BTLA: variants seen among roughly 807,000 people sequenced by gnomAD.
BTLA encodes B- and T-lymphocyte attenuator.
In BTLA, 11 loss-of-function variants were observed where a neutral mutation model predicts 25.0. That is an observed-to-expected ratio of 0.44 (90% CI 0.28 to 0.73). BTLA has a LOEUF of 0.73. Ranked by LOEUF, BTLA falls within the 30% of genes least tolerant of loss-of-function variation. BTLA has a pLI of 0.15. For missense variants in BTLA, 282 were observed against 332.8 expected, an observed-to-expected ratio of 0.85 and a Z score of 1.19; for synonymous variants, 104 against 119.8, an observed-to-expected ratio of 0.87 and a Z score of 0.86.
chr3:112,463,986 A>G lies in BTLA; in HGVS notation c.*2122T>C, dbSNP rs2082210918. 7.7e-6 allele frequency: 3 copies of G among 391,774 alleles called. No homozygotes were observed. The highest frequency in any genetic ancestry group is 1.4e-5 in the Non-Finnish European group (3 of 221,936). The allele number at this position is 391,774 out of a possible 1,614,324, so 24.3% of individuals were successfully genotyped here. A position where few individuals can be genotyped will look rare whatever the true frequency, so the allele number is the denominator to read the frequency against. On this transcript the variant is annotated 3_prime_UTR_variant, in exon 5 of 5. Transcript: ENST00000334529. Reference sequence around the variant, plus strand: ...CCAAATTGATTTCAAATAAGTTTTAATAACTTTACCTTCTCATTGAGCACA... The same window carrying G: ...CCAAATTGATTTCAAATAAGTTTTAGTAACTTTACCTTCTCATTGAGCACA...
At chr3:112,469,833 CA>C in intron 3 of BTLA, 29 bp from the exon 4 acceptor site, 2 of 1,584,224 alleles carry the variant, frequency 1.3e-6, no homozygotes. Context: ...AAGAAGTAAT[CA>C]AAAGGAGTAA....
At chr3:112,492,602 C>G (rs1309065291) in intron 1 of BTLA, among the ~76,000 whole-genome samples, 1 of 152,210 alleles carries the variant, frequency 6.6e-6, no homozygotes, top group Non-Finnish European at 1.5e-5. Flanking sequence ...TTCCTCACAT[C>G]TCTAATACAT....
chr3:112,470,865 A>T (rs2107310718), intron 3 of BTLA, among the ~76,000 whole-genome samples: 1 of 152,338 alleles, frequency 6.6e-6, no homozygotes, highest in Non-Finnish European at 1.5e-5. Flanking sequence ...TTGATCTGAG[A>T]GATTGTTTCA....
rs2082214050 is a variant in BTLA at position 112,464,438 on chromosome 3, T to C, written c.*1670A>G. On this transcript the variant is annotated 3_prime_UTR_variant, in exon 5 of 5. Coordinates refer to ENST00000334529, the MANE Select transcript of BTLA (RefSeq NM_181780.4). ...CCACAAGCAGCTATTCTAACATGTC[T>C]TTCTTACATAAGTTGTCCACAAATG... 2 of 312,708 alleles carry C rather than the reference T, an allele frequency of 6.4e-6. No homozygotes were observed. Among genetic ancestry groups the C allele is most frequent in the Non-Finnish European group, 1.2e-5 (2 of 171,090 alleles). The allele number at this position is 312,708 out of a possible 1,614,324, so 19.4% of individuals were successfully genotyped here. A position where few individuals can be genotyped will look rare whatever the true frequency, so the allele number is the denominator to read the frequency against.
intron 2 of BTLA, among the ~76,000 whole-genome samples, chr3:112,478,658 T>G (rs1237501952): frequency 6.6e-6 from 1 of 152,172 alleles, no homozygotes; most frequent in African/African-American, 2.4e-5. Flanking sequence ...TTCAGTTTAA[T>G]GTTAAATGGA....
intron 1 of BTLA, among the ~76,000 whole-genome samples, chr3:112,498,838 T>G (rs1231716977): frequency 6.6e-6 from 1 of 152,196 alleles, no homozygotes; most frequent in Admixed American, 6.5e-5. Flanking sequence ...CATGGAGATA[T>G]GTATAATTCC....
intron 1 of BTLA, among the ~76,000 whole-genome samples, chr3:112,491,269 A>G (rs923526642): frequency 2.0e-5 from 3 of 152,158 alleles, no homozygotes; most frequent in Non-Finnish European, 2.9e-5. Context: ...ATTCTTTGCC[A>G]CTTGCCCACA....
At chr3:112,499,094 G>A (rs2082427167) in intron 1 of BTLA, among the ~76,000 whole-genome samples, 177 bp downstream of exon 1, 1 of 152,144 alleles carries the variant, frequency 6.6e-6, no homozygotes, top group Non-Finnish European at 1.5e-5. Flanking sequence ...TGAATACTAT[G>A]TTCTAATTTG....
intron 4 of BTLA, among the ~76,000 whole-genome samples, chr3:112,466,588 C>A (rs936563617): frequency 1.3e-5 from 2 of 152,164 alleles, no homozygotes; most frequent in African/African-American, 2.4e-5. Context: ...CACTATGTCA[C>A]CCCTAAATAG....
At position 112,466,990 on chromosome 3, in the gene BTLA, G is replaced by C. The variant is rs1210564065; in HGVS notation, c.595-607C>G. Among the ~76,000 whole-genome samples, 4 of 144,830 alleles carry C rather than the reference G, an allele frequency of 2.8e-5. No homozygotes were observed. In the East Asian group the frequency reaches 8.0e-4, roughly 29 times the overall value. On this transcript the variant is annotated intron_variant, in intron 4 of 4. Transcript: ENST00000334529. ...TTTTTTTTTTTTGAGACGGAGTCTT[G>C]CCTATAGCCCAGGCTGGAGTGCAGT...
intron 1 of BTLA, among the ~76,000 whole-genome samples, chr3:112,488,220 T>C (rs1313809406): frequency 4.9e-5 from 3 of 60,964 alleles, no homozygotes; most frequent in African/African-American, 1.6e-4. Flanking sequence ...GTTTCCGTTT[T>C]CTTTTTTCTT....
At chr3:112,477,665 C>T (rs1035357726) in intron 2 of BTLA, among the ~76,000 whole-genome samples, 20 of 152,072 alleles carry the variant, frequency 1.3e-4, no homozygotes, top group Non-Finnish European at 1.5e-5. Context: ...TAAGAAAACA[C>T]TGCTAAATCC....
At chr3:112,474,972 G>C (rs2082281393) in intron 2 of BTLA, among the ~76,000 whole-genome samples, 1 of 152,208 alleles carries the variant, frequency 6.6e-6, no homozygotes, top group African/African-American at 2.4e-5. Context: ...CTATGCAAGA[G>C]AGTGTTGTTA....
rs565825569 is a variant in BTLA, at chr3:112,488,424, C to G, written c.89-8655G>C. On this transcript the variant is annotated intron_variant, in intron 1 of 4. Coordinates refer to ENST00000334529, the MANE Select transcript of BTLA (RefSeq NM_181780.4). ...TTTTTAGTAGAGACGGGGTTTTACC[C>G]GGTTAACCAGGATGGTCTCGATCTC... Among the ~76,000 whole-genome samples, 16 of 152,018 alleles carry G rather than the reference C, an allele frequency of 1.1e-4. No homozygotes were observed. In the South Asian group the frequency reaches 2.7e-3, roughly 26 times the overall value.
chr3:112,494,304 T>A (rs1236268266), intron 1 of BTLA, among the ~76,000 whole-genome samples: 1 of 152,156 alleles, frequency 6.6e-6, no homozygotes, highest in Non-Finnish European at 1.5e-5. Flanking sequence ...TTTACACGGT[T>A]GGTGGGAGTG....
At chr3:112,478,460 T>A (rs1193021404) in intron 2 of BTLA, among the ~76,000 whole-genome samples, 2 of 152,154 alleles carry the variant, frequency 1.3e-5, no homozygotes, top group African/African-American at 4.8e-5. Flanking sequence ...TATCACTGAT[T>A]TTTGTGTGTT....
rs1576674780 is a variant in BTLA at position 112,466,152 on chromosome 3, T to C, written c.826A>G (p.Lys276Glu). The change falls in exon 5 of 5, where the codon AAA becomes GAA. Residue 276 changes from lysine (K) to glutamate (E), a missense_variant. Coordinates refer to ENST00000334529, the MANE Select transcript of BTLA (RefSeq NM_181780.4). ...GPNSRLARNV[K>E]EAPTEYASIC... ...GATGCATATTCTGTTGGTGCTTCTT[T>C]TACATTTCTTGCCAGTCTTGAGTTC... The C allele has an allele frequency of 6.2e-7, 1 of 1,609,952 alleles. No individual in the cohort carries two copies. The highest frequency in any genetic ancestry group is 2.2e-5 in the East Asian group (1 of 44,730).
intron 2 of BTLA, among the ~76,000 whole-genome samples, chr3:112,474,773 C>T (rs543892678): frequency 3.3e-5 from 5 of 152,276 alleles, no homozygotes; most frequent in Admixed American, 6.5e-5. Context: ...GGGTGCTCTA[C>T]AAGTGGCAAG....
intron 1 of BTLA, among the ~76,000 whole-genome samples, chr3:112,495,661 C>CA (rs2082405492): frequency 6.6e-6 from 1 of 152,190 alleles, no homozygotes; most frequent in South Asian, 2.1e-4. Context: ...TGGCAGAAGA[C>CA]AGAGCTCTAT....
Sources: gnomAD v4.1 joint callset for allele counts (sites outside exome capture counted in the v4.1 genomes callset) on GRCh38, gnomAD v4.1.1 for gene constraint, MANE v1.5 for transcripts, NCBI Gene and HGNC (gene_info 2026-07-23, HGNC 2026-07-21) for gene names.